ADAMTSL1: variants seen among roughly 807,000 people sequenced by gnomAD.
ADAMTSL1 encodes ADAMTS-like protein 1.
ADAMTSL1 carries 126 observed loss-of-function variants against 201.8 expected under a neutral mutation model. The observed-to-expected ratio is 0.62, with a 90% CI of 0.54 to 0.72. ADAMTSL1 has a LOEUF of 0.72. Ranked by LOEUF, ADAMTSL1 falls within the 30% of genes least tolerant of loss-of-function variation. ADAMTSL1 has a pLI of 0.00. For missense variants in ADAMTSL1, 2,679 were observed against 2,277.8 expected (o/e 1.18, Z -3.59); for synonymous variants, 1,121 against 903.4 (o/e 1.24, Z -4.32).
At chr9:18,371,671 A>C (rs371971329) in intron 2 of ADAMTSL1, among the ~76,000 whole-genome samples, 1 of 152,206 alleles carries the variant, frequency 6.6e-6, no homozygotes, top group African/African-American at 2.4e-5. Flanking sequence ...AAATTTATCA[A>C]CTTTTTTTAT....
intron 26 of ADAMTSL1, among the ~76,000 whole-genome samples, chr9:18,893,976 G>GAATGTGTCCCAT (rs1445633563): frequency 6.6e-6 from 1 of 152,180 alleles, no homozygotes; most frequent in Admixed American, 6.5e-5. Context: ...CTTGGGAGGG[G>GAATGTGTCCCAT]AATGTGTCCC....
chr9:17,940,837 C>A (rs1329807426), intron 1 of ADAMTSL1, among the ~76,000 whole-genome samples: 1 of 100,452 alleles, frequency 1.0e-5, no homozygotes, highest in Non-Finnish European at 1.9e-5. Flanking sequence ...AATAACGACT[C>A]GTCATGTCTT....
At chr9:18,055,972 A>G (rs1231129208) in intron 1 of ADAMTSL1, among the ~76,000 whole-genome samples, 2 of 152,336 alleles carry the variant, frequency 1.3e-5, no homozygotes, top group Admixed American at 1.3e-4. Context: ...CTATTGCAAC[A>G]TCCATTTTTT....
At chr9:18,529,614 CT>C (rs1819310916) in intron 2 of ADAMTSL1, among the ~76,000 whole-genome samples, 1 of 152,094 alleles carries the variant, frequency 6.6e-6, no homozygotes, top group Non-Finnish European at 1.5e-5. Flanking sequence ...ATAGTAGGCA[CT>C]GAATAAATAG....
At chr9:18,718,267 ACTGTG>A (rs1564178016) in intron 14 of ADAMTSL1, 12 of 758,628 alleles carry the variant, frequency 1.6e-5, no homozygotes, top group Non-Finnish European at 3.0e-5. Flanking sequence ...TTAAATGTGG[ACTGTG>A]CTTTGATGGA....
chr9:18,035,727 G>C (rs1349195822), intron 1 of ADAMTSL1, among the ~76,000 whole-genome samples: 1 of 152,030 alleles, frequency 6.6e-6, no homozygotes, highest in African/African-American at 2.4e-5. Flanking sequence ...ATCGTCTGCT[G>C]TCTTTACTAG....
intron 9 of ADAMTSL1, among the ~76,000 whole-genome samples, chr9:18,671,542 G>A (rs1174416282): frequency 6.6e-6 from 1 of 152,138 alleles, no homozygotes; most frequent in African/African-American, 2.4e-5. Context: ...TGCCATGACT[G>A]AATGGTGGTC....
At chr9:18,516,419 A>G (rs949361554) in intron 2 of ADAMTSL1, among the ~76,000 whole-genome samples, 4 of 152,180 alleles carry the variant, frequency 2.6e-5, no homozygotes, top group African/African-American at 7.2e-5. Context: ...CCCCTAACTA[A>G]TATACCAACC....
intron 2 of ADAMTSL1, among the ~76,000 whole-genome samples, chr9:18,355,422 T>C (rs1563908480): frequency 6.6e-6 from 1 of 152,190 alleles, no homozygotes. Flanking sequence ...GACTCAAAGA[T>C]TGGAGGTGAT....
chr9:18,866,607 C>G (rs531497947), intron 23 of ADAMTSL1, among the ~76,000 whole-genome samples: 1 of 152,280 alleles, frequency 6.6e-6, no homozygotes, highest in East Asian at 1.9e-4. Context: ...AGCACATTCC[C>G]TGAGGTCACT....
At chr9:18,785,001 T>A (rs1051857251) in intron 19 of ADAMTSL1, among the ~76,000 whole-genome samples, 1 of 152,090 alleles carries the variant, frequency 6.6e-6, no homozygotes, top group African/African-American at 2.4e-5. Context: ...CTGTCTCTAC[T>A]AAAAATACAA....
At chr9:18,098,524 T>C (rs556430184) in intron 1 of ADAMTSL1, among the ~76,000 whole-genome samples, 1 of 152,350 alleles carries the variant, frequency 6.6e-6, no homozygotes, top group African/African-American at 2.4e-5. Context: ...TTCCAAATAT[T>C]GTTGCTCGTC....
chr9:18,717,382 T>C lies in ADAMTSL1; in HGVS notation c.1877-4154T>C, dbSNP rs1372998774. Among the ~76,000 whole-genome samples the C allele has an allele frequency of 9.2e-5, 14 of 152,140 alleles. No homozygotes were observed. The East Asian group carries it at 2.7e-3, about 29-fold the overall frequency. On this transcript the variant is annotated intron_variant, in intron 14 of 28. Transcript: ENST00000380548. ...AGACATTATACTGAAAGGACTATCA[T>C]ATTTTAAAGACAAGATCACTGTCTC...
intron 1 of ADAMTSL1, among the ~76,000 whole-genome samples, chr9:17,935,035 C>G (rs1440134310): frequency 6.6e-6 from 1 of 151,522 alleles, no homozygotes; most frequent in African/African-American, 2.4e-5. Flanking sequence ...TTCTATTTAT[C>G]TTCTTTTATT....
At chr9:17,981,780 C>T (rs1157431621) in intron 1 of ADAMTSL1, among the ~76,000 whole-genome samples, 2 of 152,102 alleles carry the variant, frequency 1.3e-5, no homozygotes, top group African/African-American at 4.8e-5. Flanking sequence ...TCTTGCTTTA[C>T]CCCAGGACAT....
intron 2 of ADAMTSL1, among the ~76,000 whole-genome samples, chr9:18,323,697 A>G (rs1834716005): frequency 6.6e-6 from 1 of 152,212 alleles, no homozygotes; most frequent in Non-Finnish European, 1.5e-5. Context: ...TATACTATCA[A>G]CAAATAATTA....
In ADAMTSL1 at chr9:18,907,008, G is replaced by T. The variant is rs1588365616; in HGVS notation, c.5182+96G>T. 3.5e-6 allele frequency: 5 copies of T among 1,408,832 alleles called. No homozygotes were observed. In the East Asian group the frequency reaches 1.1e-4, roughly 32 times the overall value. 87.3% of individuals were successfully genotyped at this position (1,408,832 alleles called of 1,614,324 possible). A position where few individuals can be genotyped will look rare whatever the true frequency, so the allele number is the denominator to read the frequency against. On this transcript the variant is annotated intron_variant, in intron 28 of 28. Coordinates refer to ENST00000380548, the MANE Select transcript of ADAMTSL1 (RefSeq NM_001040272.6). Reference sequence around the variant, plus strand: ...GACCGACCCTGAGCATAGGGCATGGGGTCAGCTTCCCCAGGGATTGTGAGC... The same window carrying T: ...GACCGACCCTGAGCATAGGGCATGGTGTCAGCTTCCCCAGGGATTGTGAGC...
intron 1 of ADAMTSL1, among the ~76,000 whole-genome samples, chr9:17,970,897 C>A (rs1818181106): frequency 6.6e-6 from 1 of 151,998 alleles, no homozygotes; most frequent in African/African-American, 2.4e-5. Flanking sequence ...TAGCACAGAC[C>A]TTGGAGCACA....
intron 1 of ADAMTSL1, among the ~76,000 whole-genome samples, chr9:18,478,680 A>C (rs1209173425): frequency 1.3e-5 from 2 of 152,136 alleles, no homozygotes; most frequent in African/African-American, 4.8e-5. Context: ...CTGTGGTCTC[A>C]TGAGTAGAGT....
Sources: gnomAD v4.1 joint callset for allele counts (sites outside exome capture counted in the v4.1 genomes callset) on GRCh38, gnomAD v4.1.1 for gene constraint, MANE v1.5 for transcripts, NCBI Gene and HGNC (gene_info 2026-07-23, HGNC 2026-07-21) for gene names.